Variants in MARCHF3 observed in about 807,000 individuals in gnomAD.
MARCHF3 encodes E3 ubiquitin-protein ligase MARCHF3.
In MARCHF3, 13 loss-of-function variants were observed where a neutral mutation model predicts 24.2. That is an observed-to-expected ratio of 0.54 (90% CI 0.35 to 0.85). The LOEUF (loss-of-function observed/expected upper bound fraction) is 0.85, where lower values mean the gene tolerates loss of function less well. Ranked by LOEUF, MARCHF3 falls within the 40% of genes least tolerant of loss-of-function variation. The pLI is 0.01. For synonymous variants in MARCHF3, 144 were observed against 137.3 expected, an observed-to-expected ratio of 1.05 and a Z score of -0.34; for missense variants, 276 against 325.0, an observed-to-expected ratio of 0.85 and a Z score of 1.16.
rs552815332 is a variant in MARCHF3, at chr5:126,975,496, C to T, written c.-57+54854G>A. On this transcript the variant is annotated intron_variant, in intron 1 of 4. Transcript: ENST00000308660. Reference sequence around the variant, plus strand: ...TCTTTGTAGTAAAAACATTCAAAATCCTCTCTTCTAGCTATCAAGTTATTT... The same window carrying T: ...TCTTTGTAGTAAAAACATTCAAAATTCTCTCTTCTAGCTATCAAGTTATTT... Among the ~76,000 whole-genome samples, 17 of 152,272 alleles carry T rather than the reference C, an allele frequency of 1.1e-4. No homozygotes were observed. In the South Asian group the frequency reaches 3.5e-3, roughly 32 times the overall value.
intron 3 of MARCHF3, among the ~76,000 whole-genome samples, chr5:126,884,729 C>T (rs1211341924): frequency 6.6e-5 from 10 of 152,328 alleles, no homozygotes; most frequent in Admixed American, 3.9e-4. Context: ...AATCTGGCTG[C>T]TTCTCTCTGC....
chr5:126,946,142 G>T (rs1750000969), intron 1 of MARCHF3, among the ~76,000 whole-genome samples: 1 of 152,018 alleles, frequency 6.6e-6, no homozygotes, highest in African/African-American at 2.4e-5. Context: ...AGGCTGAGGT[G>T]GGTGGATCAC....
chr5:126,868,010 TAA>T lies in MARCHF3; in HGVS notation c.*2621_*2622del, dbSNP rs1197331899. The T allele has an allele frequency of 6.6e-6, 1 of 152,110 alleles. No individual in the cohort carries two copies. Among genetic ancestry groups the T allele is most frequent in the South Asian group, 2.1e-4 (1 of 4,824 alleles). The allele number at this position is 152,110 out of a possible 1,614,324, so 9.4% of individuals were successfully genotyped here. On this transcript the variant is annotated 3_prime_UTR_variant, in exon 5 of 5. Transcript: ENST00000308660. ...GAGGGAGTTTTTTTAAAAAGTCAGT[TAA>T]AGAGAAGCAATGAACCACGAGGGTC...
chr5:126,913,933 T>C (rs921726282), intron 3 of MARCHF3, among the ~76,000 whole-genome samples: 52 of 152,010 alleles, frequency 3.4e-4, no homozygotes, highest in African/African-American at 1.2e-3. Context: ...CAGCTAGCTC[T>C]GGCTTATAAT....
At position 126,868,912 on chromosome 5, in the gene MARCHF3, G is replaced by A. The variant is rs60248425; in HGVS notation, c.*1721C>T. The A allele has an allele frequency of 6.6e-6, 1 of 152,154 alleles. No individual in the cohort carries two copies. The highest frequency in any genetic ancestry group is 1.5e-5 in the Non-Finnish European group (1 of 68,048). 9.4% of individuals were successfully genotyped at this position (152,154 alleles called of 1,614,324 possible). ...GGTGGTGCAGCTAATGACAGCCCAG[G>A]GGGGTGAGCAGGGCGCAGTAAACAG... On this transcript the variant is annotated 3_prime_UTR_variant, in exon 5 of 5. Coordinates refer to ENST00000308660, the MANE Select transcript of MARCHF3 (RefSeq NM_178450.5).
chr5:126,873,673 G>C (rs1216363246), intron 4 of MARCHF3, among the ~76,000 whole-genome samples: 2 of 152,244 alleles, frequency 1.3e-5, no homozygotes, highest in Non-Finnish European at 2.9e-5. Context: ...TGGTTCCATG[G>C]CCAGGAAATT....
intron 3 of MARCHF3, among the ~76,000 whole-genome samples, chr5:126,912,294 A>G (rs1209122164): frequency 6.6e-6 from 1 of 152,228 alleles, no homozygotes; most frequent in African/African-American, 2.4e-5. Context: ...TTTATTGACA[A>G]CTGGAAGTCT....
intron 1 of MARCHF3, among the ~76,000 whole-genome samples, chr5:126,995,163 T>C: frequency 6.6e-6 from 1 of 152,154 alleles, no homozygotes; most frequent in East Asian, 1.9e-4. Context: ...CATCCTTCAA[T>C]CTAATCAAGT....
chr5:126,910,931 T>C (rs1025226764), intron 3 of MARCHF3, among the ~76,000 whole-genome samples: 31 of 152,162 alleles, frequency 2.0e-4, no homozygotes, highest in Admixed American at 9.2e-4. Flanking sequence ...CCCTGAGAAA[T>C]AGAATGCGTC....
chr5:127,024,282 T>C (rs1423567283), intron 1 of MARCHF3, among the ~76,000 whole-genome samples: 1 of 152,242 alleles, frequency 6.6e-6, no homozygotes, highest in Non-Finnish European at 1.5e-5. Flanking sequence ...TTCAAACTTT[T>C]GGTGAACTAT....
At chr5:126,931,267 G>C (rs980513573) in intron 1 of MARCHF3, among the ~76,000 whole-genome samples, 9 of 152,106 alleles carry the variant, frequency 5.9e-5, no homozygotes, top group South Asian at 2.1e-4. Flanking sequence ...GGTTTCCCTA[G>C]AATGCATTGA....
chr5:126,947,962 T>C (rs1294326428), intron 1 of MARCHF3, among the ~76,000 whole-genome samples: 1 of 152,172 alleles, frequency 6.6e-6, no homozygotes, highest in East Asian at 1.9e-4. Context: ...TTCTCATTAA[T>C]GATCTGCAGG....
chr5:126,985,493 G>A (rs371475131), intron 1 of MARCHF3, among the ~76,000 whole-genome samples: 7 of 143,798 alleles, frequency 4.9e-5, no homozygotes, highest in African/African-American at 1.6e-4. Context: ...TTTTTGAGAC[G>A]GAGTCTCACT....
chr5:126,917,976 G>C lies in MARCHF3; in HGVS notation c.188+8C>G. On this transcript the variant is annotated splice_region_variant and intron_variant, in intron 2 of 4. Coordinates refer to ENST00000308660, the MANE Select transcript of MARCHF3 (RefSeq NM_178450.5). ...TTACAGATTCATTTATTTTAATTGTGGTACTACCTCTGGGTGGCAAGAGTC... is the reference window on the plus strand; with the variant it reads ...TTACAGATTCATTTATTTTAATTGTCGTACTACCTCTGGGTGGCAAGAGTC... 1 of 1,610,740 alleles carries C rather than the reference G, an allele frequency of 6.2e-7. No individual in the cohort carries two copies. The highest frequency in any genetic ancestry group is 1.1e-5 in the South Asian group (1 of 90,628).
At chr5:126,949,336 A>C (rs900047637) in intron 1 of MARCHF3, among the ~76,000 whole-genome samples, 23 of 152,240 alleles carry the variant, frequency 1.5e-4, no homozygotes, top group Non-Finnish European at 3.2e-4. Context: ...GAGGACACCA[A>C]ATGGCTGGTA....
rs1752848539 is a variant in MARCHF3, at chr5:126,868,649, CAG to C, written c.*1982_*1983del. On this transcript the variant is annotated 3_prime_UTR_variant, in exon 5 of 5. Coordinates refer to ENST00000308660, the MANE Select transcript of MARCHF3 (RefSeq NM_178450.5). ...CTGCTTCCTTAATTCATGCAAGAAA[CAG>C]GGAGAAGGGGTATGGTCCTCTCATG... 1 of 152,134 alleles carries C rather than the reference CAG, an allele frequency of 6.6e-6. No individual in the cohort carries two copies. Among genetic ancestry groups the C allele is most frequent in the South Asian group, 2.1e-4 (1 of 4,830 alleles). The allele number at this position is 152,134 out of a possible 1,614,324, so 9.4% of individuals were successfully genotyped here.
At chr5:126,878,826 CAG>C (rs1211934451) in intron 3 of MARCHF3, among the ~76,000 whole-genome samples, 2 of 152,226 alleles carry the variant, frequency 1.3e-5, no homozygotes, top group Non-Finnish European at 2.9e-5. Context: ...ATTCCCAAGA[CAG>C]GCCTGTTTTT....
intron 1 of MARCHF3, among the ~76,000 whole-genome samples, chr5:126,954,650 C>T (rs1750373640): frequency 6.7e-6 from 1 of 149,868 alleles, no homozygotes; most frequent in Non-Finnish European, 1.5e-5. Context: ...GGATTACAGG[C>T]GTGACCCACC....
rs374109013 is a variant in MARCHF3, at chr5:126,914,912, C to T, written c.393+18G>A. The T allele has an allele frequency of 4.0e-5, 64 of 1,613,560 alleles. No individual in the cohort carries two copies. The African/African-American group carries it at 5.2e-4, about 13-fold the overall frequency. On this transcript the variant is annotated intron_variant, in intron 3 of 4. Transcript: ENST00000308660. ...GCTCATTAGAGCTAAGTTTTCAGGA[C>T]GTGCCCCACTTACTGACCTCCACTA... is the stretch of plus-strand genomic sequence containing the variant.
Sources: gnomAD v4.1 joint callset for allele counts (sites outside exome capture counted in the v4.1 genomes callset) on GRCh38, gnomAD v4.1.1 for gene constraint, MANE v1.5 for transcripts, NCBI Gene and HGNC (gene_info 2026-07-23, HGNC 2026-07-21) for gene names.